PEAK1: variants seen among roughly 807,000 people sequenced by gnomAD.
PEAK1 encodes inactive tyrosine-protein kinase PEAK1.
Under a neutral mutation model 124.7 loss-of-function variants are expected in PEAK1, and 54 were observed. The ratio of observed to expected loss-of-function variants is 0.43; its 90% CI spans 0.35 to 0.54. The LOEUF (loss-of-function observed/expected upper bound fraction) is 0.54, where lower values mean the gene tolerates loss of function less well. PEAK1 is among the 20% of genes least tolerant of loss of function. The pLI, the probability that PEAK1 is intolerant of heterozygous loss-of-function variation, is 0.01. For synonymous variants in PEAK1, 719 were observed against 760.0 expected (o/e 0.95, Z 0.89); for missense variants, 2,046 against 2,134.5 (o/e 0.96, Z 0.82).
intron 1 of PEAK1, chr15:77,404,395 G>T: frequency 1.1e-6 from 1 of 892,832 alleles, no homozygotes; most frequent in Non-Finnish European, 1.3e-6. Flanking sequence ...GAAGTGAAAT[G>T]TGCTTTAAGT....
chr15:77,274,480 A>G (rs2062204892), intron 5 of PEAK1, among the ~76,000 whole-genome samples: 1 of 152,178 alleles, frequency 6.6e-6, no homozygotes, highest in Non-Finnish European at 1.5e-5. Context: ...AAAAGAAGAT[A>G]TACAAATGGC....
chr15:77,235,968 G>T (rs145645380), intron 6 of PEAK1, among the ~76,000 whole-genome samples: 4,689 of 152,348 alleles, frequency 0.031, 116 homozygotes, highest in Middle Eastern at 0.054. Flanking sequence ...CAGAAGTCAA[G>T]AAATGAGGTT....
At chr15:77,373,483 C>G (rs2068789511) in intron 1 of PEAK1, among the ~76,000 whole-genome samples, 1 of 152,148 alleles carries the variant, frequency 6.6e-6, no homozygotes, top group African/African-American at 2.4e-5. Context: ...ACCAACAGAG[C>G]CTGAAGGGTC....
At chr15:77,250,226 T>TATATATAC in intron 6 of PEAK1, among the ~76,000 whole-genome samples, 4 of 136,850 alleles carry the variant, frequency 2.9e-5, no homozygotes, top group African/African-American at 1.1e-4. Context: ...TATATACACA[T>TATATATAC]ATATATGTAT....
intron 2 of PEAK1, chr15:77,345,779 G>A (rs1446512210): frequency 2.5e-6 from 1 of 404,584 alleles, no homozygotes; most frequent in Non-Finnish European, 3.3e-6. Flanking sequence ...AAATGTTTGA[G>A]GTGATGGATA....
intron 6 of PEAK1, among the ~76,000 whole-genome samples, chr15:77,231,877 C>G (rs879332255): frequency 2.2e-4 from 34 of 152,182 alleles, no homozygotes. Context: ...TCTTCCTACA[C>G]ACTCATACAA....
At chr15:77,328,971 C>T (rs1384867111) in intron 2 of PEAK1, among the ~76,000 whole-genome samples, 1 of 152,110 alleles carries the variant, frequency 6.6e-6, no homozygotes, top group Non-Finnish European at 1.5e-5. Context: ...CAGAAAGATA[C>T]AGAAGGTATA....
chr15:77,162,984 G>A (rs1243165662), intron 7 of PEAK1, among the ~76,000 whole-genome samples: 1 of 151,996 alleles, frequency 6.6e-6, no homozygotes, highest in African/African-American at 2.4e-5. Flanking sequence ...GTGACAAATG[G>A]CCCACTAAGA....
intron 6 of PEAK1, among the ~76,000 whole-genome samples, chr15:77,201,498 A>C (rs546820521): frequency 6.6e-6 from 1 of 152,050 alleles, no homozygotes; most frequent in African/African-American, 2.4e-5. Context: ...TCGGCCTCCC[A>C]AAGTACTGGG....
chr15:77,145,551 G>T (rs1053819093), intron 8 of PEAK1, among the ~76,000 whole-genome samples: 1 of 152,170 alleles, frequency 6.6e-6, no homozygotes. Context: ...CAGTCTTAGG[G>T]TGCTAGGGAT....
intron 1 of PEAK1, among the ~76,000 whole-genome samples, chr15:77,382,633 T>C (rs1230454517): frequency 6.6e-6 from 1 of 152,204 alleles, no homozygotes; most frequent in Non-Finnish European, 1.5e-5. Flanking sequence ...TGCCACATTA[T>C]AGGTACTAAA....
At chr15:77,135,821 C>T (rs1207436433) in intron 8 of PEAK1, among the ~76,000 whole-genome samples, 1 of 152,196 alleles carries the variant, frequency 6.6e-6, no homozygotes, top group African/African-American at 2.4e-5. Flanking sequence ...TGAGGCCTCC[C>T]CAGCCATGTG....
chr15:77,283,471 A>C (rs1041991766), intron 5 of PEAK1, among the ~76,000 whole-genome samples: 17 of 152,172 alleles, frequency 1.1e-4, no homozygotes, highest in African/African-American at 4.1e-4. Flanking sequence ...AAAATTGTAC[A>C]AGAAAAACTG....
intron 1 of PEAK1, chr15:77,417,444 TGGGGGGATGCGGGGC>T: frequency 8.3e-6 from 2 of 242,270 alleles, no homozygotes; most frequent in Non-Finnish European, 9.2e-6. Context: ...GAGAGTGGGG[TGGGGGGATGCGGGGC>T]GGGGGGGGAG....
At chr15:77,410,135 G>A (rs1398100624) in intron 1 of PEAK1, among the ~76,000 whole-genome samples, 4 of 150,664 alleles carry the variant, frequency 2.7e-5, no homozygotes, top group African/African-American at 9.8e-5. Flanking sequence ...GCAATGGCAC[G>A]ATCTTGGCTC....
At chr15:77,289,194 A>G (rs1433603213) in intron 2 of PEAK1, among the ~76,000 whole-genome samples, 1 of 152,182 alleles carries the variant, frequency 6.6e-6, no homozygotes, top group Non-Finnish European at 1.5e-5. Context: ...TATTAGAGAA[A>G]TATTTTCATC....
At chr15:77,330,900 T>C in intron 2 of PEAK1, 1 of 410,438 alleles carries the variant, frequency 2.4e-6, no homozygotes, top group Non-Finnish European at 3.3e-6. Context: ...TTTTGTTTTT[T>C]CCTCACTCAG....
chr15:77,191,639 A>G (rs2057839835), intron 6 of PEAK1, among the ~76,000 whole-genome samples: 1 of 152,212 alleles, frequency 6.6e-6, no homozygotes, highest in Non-Finnish European at 1.5e-5. Flanking sequence ...TTTTGCATCA[A>G]TTTCAAGAGA....
chr15:77,127,454 C>T (rs2052476349), intron 9 of PEAK1, among the ~76,000 whole-genome samples: 1 of 152,062 alleles, frequency 6.6e-6, no homozygotes, highest in South Asian at 2.1e-4. Context: ...AGGAAAAGCC[C>T]AGATAACCAT....
Sources: allele counts gnomAD v4.1 joint callset (sites outside exome capture counted in the v4.1 genomes callset), GRCh38; gene constraint gnomAD v4.1.1; transcripts MANE v1.5; gene names NCBI Gene and HGNC (gene_info 2026-07-23, HGNC 2026-07-21).